The following CLCA2 variants were observed in gnomAD, a reference collection of about 807,000 sequenced individuals.
CLCA2 encodes calcium-activated chloride channel regulator 2.
In CLCA2, 85 loss-of-function variants were observed where a neutral mutation model predicts 82.9. The ratio of observed to expected loss-of-function variants is 1.03; its 90% CI spans 0.86 to 1.23. The LOEUF is 1.23. Ranked by LOEUF, CLCA2 falls within the 50% of genes most tolerant of loss-of-function variation. CLCA2 has a pLI of 0.00. For missense variants in CLCA2, 1,089 were observed against 1,124.8 expected, an observed-to-expected ratio of 0.97 and a Z score of 0.45; for synonymous variants, 421 against 391.7, an observed-to-expected ratio of 1.07 and a Z score of -0.88.
At position 86,434,640 on chromosome 1, in the gene CLCA2, T is replaced by C. The variant is rs1336775462; in HGVS notation, c.867T>C (p.Phe289=). Residue 289 remains phenylalanine (F), a synonymous_variant, in exon 6 of 14, where the codon TTT becomes TTC. Coordinates refer to ENST00000370565, the MANE Select transcript of CLCA2 (RefSeq NM_006536.7). ...ACTCTGCTGACTTTCACCACAGCTT[T>C]CCCATGAATGGGACTGAGCTTCCAC... is the stretch of plus-strand genomic sequence containing the variant. ...ITDSADFHHS[F]PMNGTELPPP... is the part of the protein sequence containing the mutation. 6.2e-7 allele frequency: 1 copy of C among 1,614,100 alleles called. No individual in the cohort carries two copies. The highest frequency in any genetic ancestry group is 2.2e-5 in the East Asian group (1 of 44,886).
At chr1:86,451,844 T>C (rs1407155182) in intron 12 of CLCA2, among the ~76,000 whole-genome samples, 1 of 152,172 alleles carries the variant, frequency 6.6e-6, no homozygotes, top group Non-Finnish European at 1.5e-5. Context: ...ATTAAATATC[T>C]GATACATGTA....
At chr1:86,446,920 G>T (rs1228754330) in intron 10 of CLCA2, among the ~76,000 whole-genome samples, 1 of 152,174 alleles carries the variant, frequency 6.6e-6, no homozygotes, top group East Asian at 1.9e-4. Flanking sequence ...ACCCAAATTA[G>T]ATATTGTATA....
At position 86,434,594 on chromosome 1, in the gene CLCA2, G is replaced by A; in HGVS notation, c.821G>A (p.Ser274Asn). The A allele has an allele frequency of 6.2e-7, 1 of 1,614,074 alleles. No homozygotes were observed. The highest frequency in any genetic ancestry group is 8.5e-7 in the Non-Finnish European group (1 of 1,180,002). The stretch of plus-strand genomic sequence containing the variant: ...CAGAACCAGATGTGCAGCCTCAGAA[G>A]TGCATGGGATGTAATCACAGACTCT... ...NLQNQMCSLR[S>N]AWDVITDSAD... is the part of the protein sequence containing the mutation. The change falls in exon 6 of 14, where the codon AGT (serine) becomes AAT (asparagine). Residue 274 changes from serine to asparagine, a missense_variant. Physicochemically the swap from Ser to Asn is conservative, Grantham distance 46. Transcript: ENST00000370565.
rs898807260 is a variant in CLCA2, at chr1:86,432,955, G to A, written c.744+427G>A. Among the ~76,000 whole-genome samples the A allele has an allele frequency of 9.8e-4, 149 of 152,248 alleles. 2 individuals are homozygous for A. Among genetic ancestry groups the A allele is most frequent in the Admixed American group, 1.6e-3 (25 of 15,298 alleles). On this transcript the variant is annotated intron_variant, in intron 5 of 13. Transcript: ENST00000370565. ...GAATAGTCTAGAACTTAACAGTAAG[G>A]TATCACCAGGAGAAGTCAACCAACT...
At chr1:86,450,476 AG>A (rs1662938648) in intron 11 of CLCA2, 86 bp from the exon 12 acceptor site, 1 of 1,008,714 alleles carries the variant, frequency 9.9e-7, no homozygotes, top group Non-Finnish European at 1.4e-6. Flanking sequence ...AGAAAGAATA[AG>A]GGGAGTAAAT....
At chr1:86,442,235 T>C (rs1461953509) in intron 9 of CLCA2, among the ~76,000 whole-genome samples, 2 of 152,160 alleles carry the variant, frequency 1.3e-5, no homozygotes, top group African/African-American at 4.8e-5. Context: ...ATTTACACAG[T>C]GAAGGCAATA....
chr1:86,449,794 T>C (rs946298912), intron 11 of CLCA2, among the ~76,000 whole-genome samples: 1 of 152,208 alleles, frequency 6.6e-6, no homozygotes, highest in Non-Finnish European at 1.5e-5. Flanking sequence ...AAGTGATCTA[T>C]ACTTGGGCTA....
intron 4 of CLCA2, among the ~76,000 whole-genome samples, chr1:86,431,785 T>G (rs766615910): frequency 9.2e-5 from 14 of 152,216 alleles, no homozygotes; most frequent in Non-Finnish European, 1.6e-4. Flanking sequence ...CCTAGTATCT[T>G]TTGCTTTGAC....
At position 86,424,373 on chromosome 1, in the gene CLCA2, A is replaced by T. The variant is rs191309470; in HGVS notation, c.126A>T (p.Gly42=). The change falls in exon 1 of 14, where the codon GGA becomes GGT. Residue 42 remains glycine, a synonymous_variant. Transcript: ENST00000370565. The stretch of plus-strand genomic sequence containing the variant: ...AGCTTCAAGACAATGGGTATAATGG[A>T]TTGCTCATTGCAATTAATCCTCAGG... ...GVQLQDNGYN[G]LLIAINPQVP... The T allele has an allele frequency of 1.7e-5, 28 of 1,613,132 alleles. No individual in the cohort carries two copies. Among genetic ancestry groups the T allele is most frequent in the Non-Finnish European group, 2.3e-5 (27 of 1,179,598 alleles).
intron 3 of CLCA2, 22 bp from the exon 4 acceptor site, chr1:86,430,840 G>A: frequency 6.3e-7 from 1 of 1,598,748 alleles, no homozygotes; most frequent in South Asian, 1.1e-5. Flanking sequence ...AAGCTCAAAA[G>A]CAAAAGTTCT....
intron 13 of CLCA2, 87 bp downstream of exon 13, chr1:86,453,689 C>A: frequency 8.5e-7 from 1 of 1,170,084 alleles, no homozygotes; most frequent in Non-Finnish European, 1.2e-6. Flanking sequence ...GAAAAAGGTA[C>A]AGAGGATTGT....
chr1:86,428,629 G>T, intron 3 of CLCA2, 61 bp downstream of exon 3: 1 of 1,546,022 alleles, frequency 6.5e-7, no homozygotes, highest in East Asian at 2.3e-5. Flanking sequence ...TTCTGTGCTT[G>T]GTGCTGAAAG....
chr1:86,429,137 A>G (rs1662445093), intron 3 of CLCA2, among the ~76,000 whole-genome samples: 2 of 152,152 alleles, frequency 1.3e-5, no homozygotes, highest in African/African-American at 4.8e-5. Context: ...CCTCTGATCA[A>G]TGAAGGAGAA....
Position 86,434,632 on chromosome 1 carries a change from CA to C in CLCA2, c.860del (p.His287ProfsTer5). 1 of 1,614,086 alleles carries C rather than the reference CA, an allele frequency of 6.2e-7. No individual in the cohort carries two copies. The highest frequency in any genetic ancestry group is 8.5e-7 in the Non-Finnish European group (1 of 1,179,966). ...DVITDSADFHHSFPMNGTELP... is the reference protein window; with the variant it reads ...DVITDSADFHXSFPMNGTELP... ...AATCACAGACTCTGCTGACTTTCACCACAGCTTTCCCATGAATGGGACTGAG... is the reference window on the plus strand; with the variant it reads ...AATCACAGACTCTGCTGACTTTCACCCAGCTTTCCCATGAATGGGACTGAG... On this transcript the variant is annotated frameshift_variant, in exon 6 of 14. Coordinates refer to ENST00000370565, the MANE Select transcript of CLCA2 (RefSeq NM_006536.7). LOFTEE classifies it high-confidence loss of function.
At chr1:86,440,848 C>A (rs1662715655) in intron 8 of CLCA2, among the ~76,000 whole-genome samples, 1 of 152,084 alleles carries the variant, frequency 6.6e-6, no homozygotes, top group South Asian at 2.1e-4. Flanking sequence ...TTGCAGTCAC[C>A]TGAGATCACG....
intron 11 of CLCA2, 87 bp from the exon 12 acceptor site, chr1:86,450,476 A>G: frequency 9.9e-7 from 1 of 1,008,714 alleles, no homozygotes; most frequent in South Asian, 2.0e-5. Context: ...AGAAAGAATA[A>G]GGGGAGTAAA....
chr1:86,447,841 G>A (rs1230207391), intron 11 of CLCA2, 63 bp downstream of exon 11: 1 of 1,497,000 alleles, frequency 6.7e-7, no homozygotes, highest in African/African-American at 1.4e-5. Flanking sequence ...TGATGCGGTA[G>A]TATCAATATT....
chr1:86,456,248 A>G lies in CLCA2; in HGVS notation c.*721A>G, dbSNP rs1386793903. ...ATAGTTATAGCCCTTATAATGCCTT[A>G]ACTAAGGAAGAAAAGATGTTATTCT... On this transcript the variant is annotated 3_prime_UTR_variant, in exon 14 of 14. Coordinates refer to ENST00000370565, the MANE Select transcript of CLCA2 (RefSeq NM_006536.7). 2 of 152,222 alleles carry G rather than the reference A, an allele frequency of 1.3e-5. No homozygotes were observed. Among genetic ancestry groups the G allele is most frequent in the African/African-American group, 4.8e-5 (2 of 41,462 alleles). The allele number at this position is 152,222 out of a possible 1,614,324, so 9.4% of individuals were successfully genotyped here. A position where few individuals can be genotyped will look rare whatever the true frequency, so the allele number is the denominator to read the frequency against.
Position 86,447,732 on chromosome 1 carries a change from A to C in CLCA2, c.1938A>C (p.Pro646=). The change falls in exon 11 of 14, where the codon CCA becomes CCC. Residue 646 remains proline (P), a synonymous_variant. Coordinates refer to ENST00000370565, the MANE Select transcript of CLCA2 (RefSeq NM_006536.7). The stretch of plus-strand genomic sequence containing the variant: ...CCACTGTCACTGCCACAGTTGAGCC[A>C]GAGACTGGAGATCCTGTTACGCTGA... ...LNATVTATVE[P]ETGDPVTLRL... is the part of the protein sequence containing the mutation. 3.7e-6 allele frequency: 6 copies of C among 1,613,970 alleles called. No individual in the cohort carries two copies. Among genetic ancestry groups the C allele is most frequent in the Non-Finnish European group, 5.1e-6 (6 of 1,180,002 alleles).
Sources: gnomAD v4.1 joint callset for allele counts (sites outside exome capture counted in the v4.1 genomes callset) on GRCh38, gnomAD v4.1.1 for gene constraint, MANE v1.5 for transcripts, NCBI Gene and HGNC (gene_info 2026-07-23, HGNC 2026-07-21) for gene names.